The following TNFSF4 variants were observed in gnomAD, a reference collection of about 807,000 sequenced individuals.
TNFSF4 encodes tumor necrosis factor ligand superfamily member 4.
TNFSF4 carries 4 observed loss-of-function variants against 7.3 expected under a neutral mutation model. The observed-to-expected ratio is 0.55, with a 90% CI of 0.27 to 1.25. The LOEUF is 1.25. TNFSF4 is among the 50% of genes most tolerant of loss of function. The pLI, the probability that TNFSF4 is intolerant of heterozygous loss-of-function variation, is 0.12. For missense variants in TNFSF4, 181 were observed against 208.8 expected, an observed-to-expected ratio of 0.87 and a Z score of 0.82; for synonymous variants, 76 against 83.7, an observed-to-expected ratio of 0.91 and a Z score of 0.50.
At chr1:173,382,741 G>T in the TNFSF4 span, among the ~76,000 whole-genome samples, 3 of 151,948 alleles carry the variant, frequency 2.0e-5, no homozygotes, top group Non-Finnish European at 4.4e-5. Flanking sequence ...TTCCCTGCCT[G>T]CCTGGACTAT....
chr1:173,230,360 A>G, the TNFSF4 span, among the ~76,000 whole-genome samples: 226 of 152,354 alleles, frequency 1.5e-3, 1 homozygote, highest in African/African-American at 5.0e-3. Flanking sequence ...AGGCAGAAAT[A>G]AAGATGTTCT....
At chr1:173,408,519 A>G in the TNFSF4 span, among the ~76,000 whole-genome samples, 1 of 152,246 alleles carries the variant, frequency 6.6e-6, no homozygotes, top group African/African-American at 2.4e-5. Context: ...GGCAACCATC[A>G]TAATAGTATG....
chr1:173,172,877 T>C, the TNFSF4 span, among the ~76,000 whole-genome samples: 1 of 152,176 alleles, frequency 6.6e-6, no homozygotes, highest in African/African-American at 2.4e-5. Context: ...GGGTAATTTA[T>C]AAAGGAAAGA....
At chr1:173,244,511 G>A in the TNFSF4 span, among the ~76,000 whole-genome samples, 4 of 150,188 alleles carry the variant, frequency 2.7e-5, no homozygotes, top group Non-Finnish European at 4.5e-5. Flanking sequence ...GCGTAGTGGC[G>A]GGCGCCTGTA....
At chr1:173,311,343 T>C in the TNFSF4 span, among the ~76,000 whole-genome samples, 1 of 152,014 alleles carries the variant, frequency 6.6e-6, no homozygotes, top group Admixed American at 6.6e-5. Context: ...TGAAGTAATA[T>C]GGGATTTGCT....
At chr1:173,365,969 G>A in the TNFSF4 span, among the ~76,000 whole-genome samples, 1 of 152,092 alleles carries the variant, frequency 6.6e-6, no homozygotes, top group South Asian at 2.1e-4. Context: ...GTCTTATACA[G>A]GCAATAACAA....
chr1:173,379,005 G>C, the TNFSF4 span, among the ~76,000 whole-genome samples: 1 of 150,936 alleles, frequency 6.6e-6, no homozygotes, highest in East Asian at 2.0e-4. Context: ...ACCTGGCGAA[G>C]CTTTCAGATG....
chr1:173,216,447 T>C, the TNFSF4 span, among the ~76,000 whole-genome samples: 1 of 152,114 alleles, frequency 6.6e-6, no homozygotes, highest in African/African-American at 2.4e-5. Flanking sequence ...GTAATGAACA[T>C]AGGCAAGCTA....
chr1:173,205,118 C>T (rs909376676), intron 1 of TNFSF4, among the ~76,000 whole-genome samples: 1 of 152,028 alleles, frequency 6.6e-6, no homozygotes, highest in Admixed American at 6.5e-5. Flanking sequence ...ATTACATTAG[C>T]TAATTAGAAA....
chr1:173,199,245 T>C (rs936872018), intron 1 of TNFSF4, among the ~76,000 whole-genome samples: 2 of 152,216 alleles, frequency 1.3e-5, no homozygotes. Context: ...CCATAAACAT[T>C]GCTGAATAAG....
the TNFSF4 span, among the ~76,000 whole-genome samples, chr1:173,326,547 C>T: frequency 1.9e-4 from 29 of 151,984 alleles, no homozygotes; most frequent in Admixed American, 2.6e-4. Flanking sequence ...AAATAAAGGG[C>T]ATTCAATTAG....
At chr1:173,267,656 G>A in the TNFSF4 span, among the ~76,000 whole-genome samples, 1 of 152,114 alleles carries the variant, frequency 6.6e-6, no homozygotes, top group African/African-American at 2.4e-5. Flanking sequence ...AAAGTCTCCT[G>A]GGAGATTACA....
the TNFSF4 span, among the ~76,000 whole-genome samples, chr1:173,388,162 A>G: frequency 6.6e-6 from 1 of 152,250 alleles, no homozygotes; most frequent in African/African-American, 2.4e-5. Flanking sequence ...AATATAATAA[A>G]TAGTTATATA....
chr1:173,186,695 G>C lies in TNFSF4; in HGVS notation c.373C>G (p.Pro125Ala). The stretch of plus-strand genomic sequence containing the variant: ...CTGACCTTCTTCAGTTGGAAGAGGG[G>C]CTCCTCATCCTTCTGGTAATGAAGG... Reference protein sequence around the residue: ...ISLHYQKDEEPLFQLKKVRSV... With the variant: ...ISLHYQKDEEALFQLKKVRSV... The change falls in exon 3 of 3, where the codon CCC becomes GCC. Residue 125 changes from proline (P) to alanine (A), a missense_variant. By Grantham distance (27) the Pro-to-Ala change is conservative. Coordinates refer to ENST00000281834, the MANE Select transcript of TNFSF4 (RefSeq NM_003326.5). 1 of 1,614,150 alleles carries C rather than the reference G, an allele frequency of 6.2e-7. No homozygotes were observed. Among genetic ancestry groups the C allele is most frequent in the Non-Finnish European group, 8.5e-7 (1 of 1,180,014 alleles).
the TNFSF4 span, among the ~76,000 whole-genome samples, chr1:173,341,003 T>A: frequency 6.6e-6 from 1 of 152,104 alleles, no homozygotes; most frequent in Admixed American, 6.6e-5. Flanking sequence ...GTGAGTGAGT[T>A]CTCATGAGAT....
At chr1:173,288,897 C>T in the TNFSF4 span, among the ~76,000 whole-genome samples, 1 of 152,084 alleles carries the variant, frequency 6.6e-6, no homozygotes, top group East Asian at 1.9e-4. Context: ...ATATATGAAA[C>T]TATGTTTTAA....
the TNFSF4 span, among the ~76,000 whole-genome samples, chr1:173,445,295 T>A: frequency 6.6e-6 from 1 of 152,234 alleles, no homozygotes; most frequent in Non-Finnish European, 1.5e-5. Flanking sequence ...TTTCTCATTT[T>A]ATTTCCTCTT....
chr1:173,275,956 A>G, the TNFSF4 span, among the ~76,000 whole-genome samples: 1 of 152,202 alleles, frequency 6.6e-6, no homozygotes, highest in Non-Finnish European at 1.5e-5. Context: ...GAGTGCCATT[A>G]CATTAAATAA....
chr1:173,323,920 C>T, the TNFSF4 span, among the ~76,000 whole-genome samples: 1 of 152,174 alleles, frequency 6.6e-6, no homozygotes, highest in South Asian at 2.1e-4. Flanking sequence ...AGAATGCAAC[C>T]AAGTTGTAAA....
Sources: gnomAD v4.1 joint callset for allele counts (sites outside exome capture counted in the v4.1 genomes callset) on GRCh38, gnomAD v4.1.1 for gene constraint, MANE v1.5 for transcripts, NCBI Gene and HGNC (gene_info 2026-07-23, HGNC 2026-07-21) for gene names.